Variants in CDHR3 observed in about 807,000 individuals in gnomAD.
CDHR3 encodes the protein cadherin-related family member 3.
Under a neutral mutation model 86.6 loss-of-function variants are expected in CDHR3, and 79 were observed. The ratio of observed to expected loss-of-function variants is 0.91; its 90% CI spans 0.76 to 1.10. CDHR3 has a LOEUF of 1.10. Among genes scored for constraint, CDHR3 ranks in the 50% least tolerant of loss-of-function variants. The pLI, the probability that CDHR3 is intolerant of heterozygous loss-of-function variation, is 0.00. For missense variants in CDHR3, 1,081 were observed against 1,077.6 expected (o/e 1.00, Z -0.04); for synonymous variants, 421 against 402.4 (o/e 1.05, Z -0.55).
At chr7:106,011,696 G>A (rs1356514689) in intron 8 of CDHR3, among the ~76,000 whole-genome samples, 2 of 152,214 alleles carry the variant, frequency 1.3e-5, no homozygotes, top group African/African-American at 2.4e-5. Flanking sequence ...TATAGATGGA[G>A]GAACTGAAAC....
At chr7:106,029,571 T>TCC (rs1838022571) in intron 17 of CDHR3, among the ~76,000 whole-genome samples, 1 of 151,938 alleles carries the variant, frequency 6.6e-6, no homozygotes, top group African/African-American at 2.4e-5. Flanking sequence ...TCTCTCTCTC[T>TCC]CTCTCTCTTT....
chr7:105,989,710 G>A (rs375981), intron 4 of CDHR3, among the ~76,000 whole-genome samples: 122,686 of 152,046 alleles, frequency 0.81, 49,627 homozygotes, highest in East Asian at 0.99. Context: ...AGGTCCATTG[G>A]GCAGTCCTTG....
In CDHR3 at chr7:105,981,123, C is replaced by A. The variant is rs772113039; in HGVS notation, c.405C>A (p.Asn135Lys). 1 of 1,613,372 alleles carries A rather than the reference C, an allele frequency of 6.2e-7. No homozygotes were observed. Among genetic ancestry groups the A allele is most frequent in the Non-Finnish European group, 8.5e-7 (1 of 1,179,696 alleles). Residue 135 changes from asparagine to lysine, a missense_variant, in exon 3 of 19, where the codon AAC (asparagine) becomes AAA (lysine). By Grantham distance (94) the Asn-to-Lys change is moderately conservative. Transcript: ENST00000317716. ...ACGAGCCACCTCAGTTTCAAGGCAA[C>A]TTGGCAGAAGGTAGGATACACCAGG... ...DVNEPPQFQG[N>K]LAEGLHLYIV...
At chr7:106,023,466 A>C (rs1182242078) in intron 14 of CDHR3, among the ~76,000 whole-genome samples, 1 of 152,164 alleles carries the variant, frequency 6.6e-6, no homozygotes, top group Non-Finnish European at 1.5e-5. Flanking sequence ...TGAATCTGAC[A>C]ACAGGATTAT....
chr7:105,978,024 A>G (rs1829091681), intron 2 of CDHR3, among the ~76,000 whole-genome samples: 1 of 152,220 alleles, frequency 6.6e-6, no homozygotes, highest in African/African-American at 2.4e-5. Context: ...GAAGTGGTGT[A>G]CTGTTGCTTG....
Position 106,020,556 on chromosome 7 carries a change from G to A in CDHR3, c.1825+12G>A. ...TTCCATTGGCCCAGGTATAGTACTT[G>A]GTGTCGACAATCCTGGCCCTGTCTC... On this transcript the variant is annotated intron_variant, in intron 13 of 18. Transcript: ENST00000317716. 6.2e-7 allele frequency: 1 copy of A among 1,607,556 alleles called. No individual in the cohort carries two copies. Among genetic ancestry groups the A allele is most frequent in the Non-Finnish European group, 8.5e-7 (1 of 1,175,368 alleles).
At chr7:105,980,029 C>T (rs977892312) in intron 2 of CDHR3, among the ~76,000 whole-genome samples, 3 of 152,182 alleles carry the variant, frequency 2.0e-5, no homozygotes, top group African/African-American at 7.2e-5. Context: ...TTCCTCGCAT[C>T]CCTCCCACAT....
chr7:105,978,486 C>G (rs1465706475), intron 2 of CDHR3, among the ~76,000 whole-genome samples: 4 of 152,218 alleles, frequency 2.6e-5, no homozygotes. Flanking sequence ...GTGAAACTTA[C>G]TGTCTTTCAC....
At chr7:106,024,057 C>T (rs554778865) in intron 14 of CDHR3, among the ~76,000 whole-genome samples, 1 of 151,888 alleles carries the variant, frequency 6.6e-6, no homozygotes, top group Non-Finnish European at 1.5e-5. Flanking sequence ...TGGCTATATT[C>T]GTCCCTGGGT....
chr7:106,025,430 T>C (rs1425675469), intron 15 of CDHR3, among the ~76,000 whole-genome samples: 1 of 152,256 alleles, frequency 6.6e-6, no homozygotes, highest in Non-Finnish European at 1.5e-5. Flanking sequence ...ACAAGGCACT[T>C]AACTGTATTC....
intron 1 of CDHR3, 55 bp downstream of exon 1, chr7:105,963,419 C>G: frequency 6.4e-7 from 1 of 1,553,382 alleles, no homozygotes; most frequent in Non-Finnish European, 8.9e-7. Flanking sequence ...CTGCATAATA[C>G]CATTGAATGA....
rs896611333 is a variant in CDHR3, at chr7:106,030,192, G to A, written c.2305-600G>A. ...TGGGGACAAGGGACAGGTGCATTAG[G>A]CAGAAGTCAGGTCCTGGAGGGTGGC... On this transcript the variant is annotated intron_variant, in intron 17 of 18. Transcript: ENST00000317716. The surrounding 1 kb of genome is among the most constrained non-coding windows in gnomAD (Gnocchi z 4.8). Among the ~76,000 whole-genome samples the A allele has an allele frequency of 1.3e-5, 2 of 152,234 alleles. No individual in the cohort carries two copies. The highest frequency in any genetic ancestry group is 4.8e-5 in the African/African-American group (2 of 41,456).
intron 13 of CDHR3, among the ~76,000 whole-genome samples, chr7:106,020,840 C>G (rs1836455069): frequency 6.6e-6 from 1 of 152,144 alleles, no homozygotes; most frequent in African/African-American, 2.4e-5. Context: ...CTAGCAGCCC[C>G]TATGCTTCCT....
intron 1 of CDHR3, among the ~76,000 whole-genome samples, chr7:105,972,957 C>T (rs1391022155): frequency 6.6e-6 from 1 of 152,108 alleles, no homozygotes; most frequent in African/African-American, 2.4e-5. Flanking sequence ...TCCTCTTTTC[C>T]ATTTACTCCT....
At chr7:106,028,916 T>TTTTTTC (rs1837800545) in intron 17 of CDHR3, among the ~76,000 whole-genome samples, 3 of 83,000 alleles carry the variant, frequency 3.6e-5, no homozygotes, top group Non-Finnish European at 7.7e-5. Context: ...GAGATTTAAA[T>TTTTTTC]TTTCTTTCTT....
At chr7:106,024,152 G>T (rs1439269647) in intron 14 of CDHR3, among the ~76,000 whole-genome samples, 3 of 152,168 alleles carry the variant, frequency 2.0e-5, no homozygotes, top group African/African-American at 7.2e-5. Context: ...ATAAGGCCTA[G>T]AGTTGTTTTT....
chr7:106,013,912 T>C (rs1219649437), intron 9 of CDHR3, among the ~76,000 whole-genome samples: 2 of 152,208 alleles, frequency 1.3e-5, no homozygotes, highest in Admixed American at 6.5e-5. Flanking sequence ...CTTTTTTCTA[T>C]AGATATATTT....
At chr7:105,991,163 G>A (rs1033958129) in intron 4 of CDHR3, among the ~76,000 whole-genome samples, 1 of 152,122 alleles carries the variant, frequency 6.6e-6, no homozygotes, top group East Asian at 1.9e-4. Flanking sequence ...TTTAATTTCT[G>A]TTTTCCAAGA....
At chr7:105,982,250 C>T (rs1021900500) in intron 3 of CDHR3, among the ~76,000 whole-genome samples, 34 of 152,142 alleles carry the variant, frequency 2.2e-4, no homozygotes, top group African/African-American at 7.2e-4. Flanking sequence ...AGGTGGATCA[C>T]GAGGTCAGGA....
Sources: allele counts gnomAD v4.1 joint callset (sites outside exome capture counted in the v4.1 genomes callset), GRCh38; gene constraint gnomAD v4.1.1; non-coding constraint Gnocchi (gnomAD v3.1); transcripts MANE v1.5; gene names NCBI Gene and HGNC (gene_info 2026-07-23, HGNC 2026-07-21).